CCDC33: variants seen among roughly 807,000 people sequenced by gnomAD.
CCDC33 encodes coiled-coil domain containing 33.
In CCDC33, 94 loss-of-function variants were observed where a neutral mutation model predicts 91.9. The ratio of observed to expected loss-of-function variants is 1.02; its 90% CI spans 0.87 to 1.21. CCDC33 has a LOEUF of 1.21. Among genes scored for constraint, CCDC33 ranks in the 50% most tolerant of loss-of-function variants. The pLI is 0.00. For synonymous variants in CCDC33, 396 were observed against 374.5 expected, an observed-to-expected ratio of 1.06 and a Z score of -0.66; for missense variants, 940 against 935.5, an observed-to-expected ratio of 1.00 and a Z score of -0.06.
chr15:74,206,459 T>C (rs575338239), intron 1 of CCDC33, among the ~76,000 whole-genome samples: 6 of 152,194 alleles, frequency 3.9e-5, no homozygotes, highest in Admixed American at 3.9e-4. Context: ...CAAGAAGTGT[T>C]AGGAAGAGAA....
chr15:74,261,498 T>C (rs1475629988), intron 2 of CCDC33, among the ~76,000 whole-genome samples: 1 of 152,202 alleles, frequency 6.6e-6, no homozygotes, highest in Non-Finnish European at 1.5e-5. Flanking sequence ...GACGTCTTTG[T>C]TCCCATCCTG....
At chr15:74,220,730 A>C (rs1297449070) in intron 2 of CCDC33, among the ~76,000 whole-genome samples, 1 of 152,194 alleles carries the variant, frequency 6.6e-6, no homozygotes, top group Non-Finnish European at 1.5e-5. Context: ...AAGACAAGAA[A>C]ATGGCTTTCA....
chr15:74,218,414 C>T lies in CCDC33; in HGVS notation c.311-83C>T. On this transcript the variant is annotated intron_variant, in intron 1 of 2. Coordinates refer to the CCDC33 transcript ENST00000635913. The surrounding 1 kb of genome is among the most constrained non-coding windows in gnomAD (Gnocchi z 4.8). The stretch of plus-strand genomic sequence containing the variant: ...AAAGTCTGGGCAGCCCAGGTTTCCC[C>T]AGGGCCCTGCCTGTCCTCCTAGTCA... The T allele has an allele frequency of 8.3e-7, 1 of 1,205,272 alleles. No homozygotes were observed. Among genetic ancestry groups the T allele is most frequent in the Non-Finnish European group, 1.1e-6 (1 of 944,212 alleles). 74.7% of individuals were successfully genotyped at this position (1,205,272 alleles called of 1,614,324 possible).
chr15:74,333,248 G>C (rs1295146626), intron 16 of CCDC33: 1 of 1,601,716 alleles, frequency 6.2e-7, no homozygotes, highest in East Asian at 2.2e-5. Context: ...GGGAGCAGGA[G>C]GAGACTTGAC....
intron 2 of CCDC33, among the ~76,000 whole-genome samples, chr15:74,224,324 C>T (rs2074715604): frequency 1.3e-5 from 2 of 152,200 alleles, no homozygotes; most frequent in African/African-American, 2.4e-5. Flanking sequence ...CGTTGAAACA[C>T]TCTCCATTCA....
chr15:74,327,311 T>A (rs553655808), intron 11 of CCDC33, among the ~76,000 whole-genome samples: 1 of 152,266 alleles, frequency 6.6e-6, no homozygotes, highest in South Asian at 2.1e-4. Context: ...GGGCCCCAGC[T>A]TTCTTTGTCT....
At chr15:74,309,745 T>G (rs546921945) in intron 11 of CCDC33, among the ~76,000 whole-genome samples, 28 of 152,282 alleles carry the variant, frequency 1.8e-4, no homozygotes, top group South Asian at 1.2e-3. Context: ...TCAGGGAATC[T>G]ATTTATCCAC....
At chr15:74,257,474 G>A (rs1324195269) in intron 2 of CCDC33, among the ~76,000 whole-genome samples, 1 of 152,182 alleles carries the variant, frequency 6.6e-6, no homozygotes, top group Non-Finnish European at 1.5e-5. Context: ...AGCAATCCCA[G>A]GGGAGCTTGG....
chr15:74,208,763 A>C, intron 1 of CCDC33: 1 of 988,628 alleles, frequency 1.0e-6, no homozygotes, highest in Non-Finnish European at 1.2e-6. Context: ...GACCTGTTCC[A>C]ATCCCACCTG....
At chr15:74,271,346 C>G (rs2076310914) in intron 5 of CCDC33, among the ~76,000 whole-genome samples, 1 of 152,170 alleles carries the variant, frequency 6.6e-6, no homozygotes, top group Non-Finnish European at 1.5e-5. Flanking sequence ...CTAGCCCAAC[C>G]CCTCCCCAGG....
intron 2 of CCDC33, among the ~76,000 whole-genome samples, chr15:74,245,285 C>G (rs142683758): frequency 1.2e-3 from 179 of 152,282 alleles, no homozygotes; most frequent in African/African-American, 2.1e-3. Flanking sequence ...AAGTCCCTGC[C>G]CCCCCAGGGC....
intron 2 of CCDC33, among the ~76,000 whole-genome samples, chr15:74,246,572 G>A (rs1447602571): frequency 2.0e-5 from 3 of 152,218 alleles, no homozygotes; most frequent in African/African-American, 7.2e-5. Context: ...ATGAAAAGGT[G>A]CACATCGCTA....
At chr15:74,250,116 GTC>G (rs2075659022) in intron 2 of CCDC33, among the ~76,000 whole-genome samples, 1 of 152,092 alleles carries the variant, frequency 6.6e-6, no homozygotes, top group Non-Finnish European at 1.5e-5. Context: ...ATGTCTCCCG[GTC>G]TCTCGGATTG....
intron 2 of CCDC33, among the ~76,000 whole-genome samples, chr15:74,249,392 G>T (rs1221009093): frequency 6.6e-6 from 1 of 152,084 alleles, no homozygotes; most frequent in Non-Finnish European, 1.5e-5. Context: ...GGAGGCTGAG[G>T]CAGGAGAATG....
At chr15:74,266,020 T>C (rs2076157074) in intron 3 of CCDC33, among the ~76,000 whole-genome samples, 1 of 152,202 alleles carries the variant, frequency 6.6e-6, no homozygotes, top group Non-Finnish European at 1.5e-5. Flanking sequence ...TGAGACGCTG[T>C]CTCAAAAGAA....
At chr15:74,325,787 C>T (rs2959005) in intron 11 of CCDC33, among the ~76,000 whole-genome samples, 84,423 of 151,812 alleles carry the variant, frequency 0.56, 24,692 homozygotes, top group Non-Finnish European at 0.66. Context: ...TATTTTTTTG[C>T]GGGGGGTGGG....
chr15:74,235,604 C>A (rs774932528), upstream of CCDC33, among the ~76,000 whole-genome samples: 42 of 152,088 alleles, frequency 2.8e-4, no homozygotes, highest in Non-Finnish European at 5.1e-4. Flanking sequence ...TAGAGCAACC[C>A]CCCACCCCAG....
chr15:74,241,852 T>G (rs2075359094), intron 1 of CCDC33, among the ~76,000 whole-genome samples: 1 of 152,060 alleles, frequency 6.6e-6, no homozygotes, highest in Admixed American at 6.5e-5. Context: ...GAGGGAAGAA[T>G]CAGGAAGGAC....
intron 16 of CCDC33, chr15:74,333,116 TCACCTGGCTGG>T: frequency 2.1e-6 from 2 of 959,488 alleles, no homozygotes; most frequent in Admixed American, 2.1e-5. Context: ...GACCCCTTTT[TCACCTGGCTGG>T]CCTCCACCTG....
Sources: allele counts gnomAD v4.1 joint callset (sites outside exome capture counted in the v4.1 genomes callset), GRCh38; gene constraint gnomAD v4.1.1; non-coding constraint Gnocchi (gnomAD v3.1); transcripts MANE v1.5; gene names NCBI Gene and HGNC (gene_info 2026-07-23, HGNC 2026-07-21).